The following ST3GAL6 variants were observed in gnomAD, a reference collection of about 807,000 sequenced individuals.
The protein encoded by ST3GAL6 is type 2 lactosamine alpha-2,3-sialyltransferase.
Under a neutral mutation model 40.5 loss-of-function variants are expected in ST3GAL6, and 31 were observed. That is an observed-to-expected ratio of 0.77 (90% CI 0.58 to 1.03). The LOEUF (loss-of-function observed/expected upper bound fraction) is 1.03. Ranked by LOEUF, ST3GAL6 falls within the 50% of genes least tolerant of loss-of-function variation. ST3GAL6 has a pLI of 0.00. For synonymous variants in ST3GAL6, 129 were observed against 136.9 expected, an observed-to-expected ratio of 0.94 and a Z score of 0.40; for missense variants, 357 against 393.2, an observed-to-expected ratio of 0.91 and a Z score of 0.78.
At chr3:98,782,158 T>G in intron 5 of ST3GAL6, 1 of 680,290 alleles carries the variant, frequency 1.5e-6, no homozygotes. Context: ...GGGATTGAAA[T>G]CAAACTTGCT....
rs186038799 is a variant in ST3GAL6 at position 98,750,373 on chromosome 3, A to G, written c.-12+17841A>G. On this transcript the variant is annotated intron_variant, in intron 1 of 9. Transcript: ENST00000265261. ...GTGGACTCACAAAACTCTGCTAATA[A>G]CCACTTAACCTATTTATTAATCATC... Among the ~76,000 whole-genome samples, 1,373 of 152,300 alleles carry G rather than the reference A, an allele frequency of 9.0e-3. 14 individuals carry two copies. The highest frequency in any genetic ancestry group is 0.011 in the Non-Finnish European group (781 of 68,030).
At chr3:98,733,724 T>G (rs1396776667) in intron 1 of ST3GAL6, 1 of 591,054 alleles carries the variant, frequency 1.7e-6, no homozygotes, top group Non-Finnish European at 2.1e-6. Context: ...TATTTTGGCT[T>G]AAAAGAAAAC....
chr3:98,771,487 A>G (rs1938982827), intron 3 of ST3GAL6, among the ~76,000 whole-genome samples: 1 of 152,168 alleles, frequency 6.6e-6, no homozygotes, highest in African/African-American at 2.4e-5. Context: ...CTTTTCCTCC[A>G]TCACTTTGAC....
intron 5 of ST3GAL6, chr3:98,783,806 A>G: frequency 2.4e-6 from 1 of 412,668 alleles, no homozygotes; most frequent in African/African-American, 2.1e-5. Context: ...ATTTGAGAGC[A>G]TAGAGCTTCC....
intron 5 of ST3GAL6, chr3:98,783,724 C>T (rs1940410296): frequency 1.0e-6 from 1 of 983,806 alleles, no homozygotes. Flanking sequence ...CAAGTCCTTA[C>T]CAACCTGTGC....
In ST3GAL6 at chr3:98,768,442, T is replaced by TGA; in HGVS notation, c.6_7dup (p.Gly3?). 1 of 1,598,928 alleles carries TGA rather than the reference T, an allele frequency of 6.3e-7. No homozygotes were observed. Among genetic ancestry groups the TGA allele is most frequent in the Non-Finnish European group, 8.6e-7 (1 of 1,166,602 alleles). On this transcript the variant is annotated frameshift_variant and start_lost, in exon 2 of 10. Transcript: ENST00000483910. LOFTEE classifies it high-confidence loss of function. The stretch of plus-strand genomic sequence containing the variant: ...CCTTGTGTTTCAGGTGAGCCAGCCA[T>TGA]GAGAGGGTATCTTGTGGCCATATTC...
intron 1 of ST3GAL6, among the ~76,000 whole-genome samples, chr3:98,753,143 C>A (rs1937154139): frequency 6.6e-6 from 1 of 152,172 alleles, no homozygotes; most frequent in African/African-American, 2.4e-5. Flanking sequence ...AGGAAAAGTT[C>A]TTATTACAAG....
chr3:98,744,646 G>T (rs1936399343), intron 1 of ST3GAL6, among the ~76,000 whole-genome samples: 2 of 152,096 alleles, frequency 1.3e-5, no homozygotes, highest in Admixed American at 1.3e-4. Context: ...CACCTTGCCT[G>T]GGTCTCTGCT....
chr3:98,768,283 G>A (rs1938597202), intron 1 of ST3GAL6, 147 bp from the exon 2 acceptor site: 1 of 656,662 alleles, frequency 1.5e-6, no homozygotes. Context: ...CGTTTAGTGA[G>A]TATTTCCAAA....
rs116656632 is a variant in ST3GAL6, at chr3:98,771,070, C to T, written c.167+114C>T. The T allele has an allele frequency of 1.4e-3, 2,080 of 1,486,298 alleles. 28 individuals carry two copies. In the African/African-American group the frequency reaches 0.024, roughly 17 times the overall value. 92.1% of individuals were successfully genotyped at this position (1,486,298 alleles called of 1,614,324 possible). ...AAATCTTAGCAGTATAAAGTGGACA[C>T]CCCATATTTAAGGAAGAGCTTGAAT... On this transcript the variant is annotated intron_variant, in intron 3 of 9. Coordinates refer to ENST00000483910, the MANE Select transcript of ST3GAL6 (RefSeq NM_001323368.2).
chr3:98,774,695 T>C (rs1939345543), intron 5 of ST3GAL6, among the ~76,000 whole-genome samples: 1 of 152,176 alleles, frequency 6.6e-6, no homozygotes, highest in South Asian at 2.1e-4. Context: ...ATGGCAGAAC[T>C]TACCCTCTTG....
chr3:98,794,365 ATAAC>A lies in ST3GAL6; in HGVS notation c.*608_*611del, dbSNP rs1165722581. 6.6e-6 allele frequency: 1 copy of A among 152,212 alleles called. No homozygotes were observed. Among genetic ancestry groups the A allele is most frequent in the African/African-American group, 2.4e-5 (1 of 41,448 alleles). The allele number at this position is 152,212 out of a possible 1,614,324, so 9.4% of individuals were successfully genotyped here. On this transcript the variant is annotated 3_prime_UTR_variant, in exon 10 of 10. Coordinates refer to ENST00000483910, the MANE Select transcript of ST3GAL6 (RefSeq NM_001323368.2). ...CATAAAGTTCTTATTAGATAAGTAA[ATAAC>A]TAAAGAAAGAATACAATTACTAAAC...
chr3:98,765,933 T>C (rs1938276808), intron 1 of ST3GAL6, among the ~76,000 whole-genome samples: 1 of 152,194 alleles, frequency 6.6e-6, no homozygotes, highest in African/African-American at 2.4e-5. Flanking sequence ...TGGAAGCTTT[T>C]TCCTGTGAGC....
chr3:98,738,441 T>C (rs547390512), intron 1 of ST3GAL6, among the ~76,000 whole-genome samples: 134 of 152,180 alleles, frequency 8.8e-4, no homozygotes, highest in Middle Eastern at 3.4e-3. Flanking sequence ...ACCCGGCTGA[T>C]TTTTTAAAAA....
intron 1 of ST3GAL6, among the ~76,000 whole-genome samples, chr3:98,743,714 G>A (rs532100225): frequency 1.3e-5 from 2 of 152,282 alleles, no homozygotes; most frequent in South Asian, 4.1e-4. Flanking sequence ...TTCCCACCCA[G>A]TCACTATTAC....
chr3:98,754,753 C>T (rs746378811), intron 1 of ST3GAL6, among the ~76,000 whole-genome samples: 1 of 152,168 alleles, frequency 6.6e-6, no homozygotes, highest in Non-Finnish European at 1.5e-5. Flanking sequence ...AAGTTAGTAG[C>T]CATAAGCACT....
intron 1 of ST3GAL6, chr3:98,732,643 GC>G: frequency 2.0e-6 from 1 of 495,130 alleles, no homozygotes; most frequent in Non-Finnish European, 3.5e-6. Context: ...CGGCCACCGT[GC>G]AACTGGCGCC....
rs1457056193 is a variant in ST3GAL6 at position 98,785,934 on chromosome 3, C to T, written c.431+894C>T. ...GACATAGAGTTATCGGGATTTGTTG[C>T]CGTATTAGATGTGAAGAGTAATGAG... On this transcript the variant is annotated intron_variant, in intron 6 of 9. Transcript: ENST00000483910. Among the ~76,000 whole-genome samples, 3 of 152,074 alleles carry T rather than the reference C, an allele frequency of 2.0e-5. No individual in the cohort carries two copies. In the East Asian group the frequency reaches 5.8e-4, roughly 29 times the overall value.
At chr3:98,764,790 C>T (rs987575667) in intron 1 of ST3GAL6, among the ~76,000 whole-genome samples, 1 of 152,186 alleles carries the variant, frequency 6.6e-6, no homozygotes, top group Non-Finnish European at 1.5e-5. Flanking sequence ...TGAGGTAATA[C>T]ACCAAAAGCA....
Sources: gnomAD v4.1 joint callset for allele counts (sites outside exome capture counted in the v4.1 genomes callset) on GRCh38, gnomAD v4.1.1 for gene constraint, MANE v1.5 for transcripts, NCBI Gene and HGNC (gene_info 2026-07-23, HGNC 2026-07-21) for gene names.